Variants in MBOAT1 observed in about 807,000 individuals in gnomAD.
The protein encoded by MBOAT1 is membrane bound glycerophospholipid O-acyltransferase 1.
In MBOAT1, 67 loss-of-function variants were observed where a neutral mutation model predicts 64.4. The ratio of observed to expected loss-of-function variants is 1.04; its 90% CI spans 0.85 to 1.27. The LOEUF (loss-of-function observed/expected upper bound fraction) is 1.27. MBOAT1 is among the 50% of genes most tolerant of loss of function. The pLI is 0.00. For missense variants in MBOAT1, 563 were observed against 604.6 expected, an observed-to-expected ratio of 0.93 and a Z score of 0.72; for synonymous variants, 229 against 218.9, an observed-to-expected ratio of 1.05 and a Z score of -0.41.
At chr6:20,168,645 G>GAGAA (rs1561773422) in intron 1 of MBOAT1, among the ~76,000 whole-genome samples, 6 of 89,100 alleles carry the variant, frequency 6.7e-5, no homozygotes, top group African/African-American at 1.7e-4. Context: ...AGAGAAGAGA[G>GAGAA]GAGAGGAGAG....
chr6:20,136,411 A>G (rs1760992524), intron 4 of MBOAT1, among the ~76,000 whole-genome samples: 1 of 152,274 alleles, frequency 6.6e-6, no homozygotes, highest in African/African-American at 2.4e-5. Flanking sequence ...TGCAGAATTA[A>G]ATTCCAAGTG....
chr6:20,209,501 T>C (rs1581473262), intron 1 of MBOAT1, among the ~76,000 whole-genome samples: 2 of 152,304 alleles, frequency 1.3e-5, no homozygotes, highest in East Asian at 3.9e-4. Context: ...GCTTACCAGG[T>C]ATTTCCATTT....
At chr6:20,164,367 C>T (rs962446117) in intron 1 of MBOAT1, among the ~76,000 whole-genome samples, 1 of 152,058 alleles carries the variant, frequency 6.6e-6, no homozygotes, top group South Asian at 2.1e-4. Flanking sequence ...ATAACATCTA[C>T]CCTACCAGAT....
At chr6:20,172,383 C>T (rs1762221309) in intron 1 of MBOAT1, among the ~76,000 whole-genome samples, 1 of 152,100 alleles carries the variant, frequency 6.6e-6, no homozygotes, top group African/African-American at 2.4e-5. Flanking sequence ...GAGCCATGAT[C>T]GCACCACCTC....
In MBOAT1 at chr6:20,100,425, T is replaced by A. The variant is rs2113616216; in HGVS notation, c.*1861A>T. On this transcript the variant is annotated 3_prime_UTR_variant, in exon 13 of 13. Coordinates refer to ENST00000324607, the MANE Select transcript of MBOAT1 (RefSeq NM_001080480.3). The stretch of plus-strand genomic sequence containing the variant: ...CCTACCCACTATCTAAGATTCTTCC[T>A]GGGACAGCGAAGTAGGGTTGCCCCA... 6.6e-6 allele frequency among the ~76,000 whole-genome samples: 1 copy of A among 152,288 alleles called. No individual in the cohort carries two copies. Among genetic ancestry groups the A allele is most frequent in the Non-Finnish European group, 1.5e-5 (1 of 68,010 alleles).
At chr6:20,195,285 C>A (rs1468495171) in intron 1 of MBOAT1, among the ~76,000 whole-genome samples, 1 of 152,156 alleles carries the variant, frequency 6.6e-6, no homozygotes, top group Non-Finnish European at 1.5e-5. Context: ...CTTCCATAAT[C>A]GAATGCTTTT....
At chr6:20,191,294 T>G (rs536612307) in intron 1 of MBOAT1, among the ~76,000 whole-genome samples, 228 of 152,338 alleles carry the variant, frequency 1.5e-3, no homozygotes, top group Admixed American at 2.5e-3. Context: ...GCTCTTGAAC[T>G]TCCCAGCCTC....
At chr6:20,135,889 G>A (rs114668421) in intron 4 of MBOAT1, among the ~76,000 whole-genome samples, 203 of 152,292 alleles carry the variant, frequency 1.3e-3, no homozygotes, top group African/African-American at 4.4e-3. Context: ...AACCTAGACC[G>A]CTACTGCCAT....
At chr6:20,211,105 G>A (rs1385609049) in intron 1 of MBOAT1, among the ~76,000 whole-genome samples, 1 of 152,192 alleles carries the variant, frequency 6.6e-6, no homozygotes, top group Non-Finnish European at 1.5e-5. Flanking sequence ...GGTCCTCAGA[G>A]TGAGCCAGGT....
At chr6:20,170,140 T>A (rs1353151422) in intron 1 of MBOAT1, among the ~76,000 whole-genome samples, 1 of 152,198 alleles carries the variant, frequency 6.6e-6, no homozygotes, top group African/African-American at 2.4e-5. Context: ...CCTGCAATGA[T>A]GATGCCCTTC....
intron 1 of MBOAT1, among the ~76,000 whole-genome samples, chr6:20,201,094 G>A (rs1366050774): frequency 3.3e-5 from 5 of 152,202 alleles, no homozygotes; most frequent in African/African-American, 1.2e-4. Context: ...TGTCCCATAT[G>A]TAAGTCCTAA....
intron 1 of MBOAT1, among the ~76,000 whole-genome samples, chr6:20,209,419 T>C (rs1397492164): frequency 6.6e-6 from 1 of 152,128 alleles, no homozygotes; most frequent in Admixed American, 6.5e-5. Flanking sequence ...GCCACGAAGT[T>C]AACAGAACAG....
At chr6:20,140,860 G>T (rs1761148712) in intron 4 of MBOAT1, among the ~76,000 whole-genome samples, 1 of 152,150 alleles carries the variant, frequency 6.6e-6, no homozygotes, top group African/African-American at 2.4e-5. Flanking sequence ...AACAAGTTTG[G>T]GAATAAACAC....
At chr6:20,207,972 A>T (rs1353258101) in intron 1 of MBOAT1, among the ~76,000 whole-genome samples, 1 of 152,164 alleles carries the variant, frequency 6.6e-6, no homozygotes, top group Non-Finnish European at 1.5e-5. Flanking sequence ...TATTTCTACC[A>T]TATGGCCAGG....
chr6:20,208,150 A>G (rs1456419355), intron 1 of MBOAT1, among the ~76,000 whole-genome samples: 2 of 152,134 alleles, frequency 1.3e-5, no homozygotes, highest in East Asian at 3.9e-4. Context: ...CAGGTAGGTA[A>G]AGAAACTTTG....
At chr6:20,191,681 G>A (rs1762806142) in intron 1 of MBOAT1, among the ~76,000 whole-genome samples, 1 of 152,160 alleles carries the variant, frequency 6.6e-6, no homozygotes, top group Non-Finnish European at 1.5e-5. Flanking sequence ...TCACCACATT[G>A]GACAAGCCCA....
chr6:20,206,708 C>T (rs1290933165), intron 1 of MBOAT1, among the ~76,000 whole-genome samples: 1 of 152,132 alleles, frequency 6.6e-6, no homozygotes, highest in Admixed American at 6.5e-5. Context: ...TCTTCTCCAC[C>T]GCAACTCCCC....
chr6:20,187,881 A>G (rs1762698581), intron 1 of MBOAT1, among the ~76,000 whole-genome samples: 1 of 152,194 alleles, frequency 6.6e-6, no homozygotes, highest in Admixed American at 6.5e-5. Flanking sequence ...AATCCCAGCT[A>G]CATGGGAGGC....
chr6:20,198,531 A>C (rs1561785949), intron 1 of MBOAT1, among the ~76,000 whole-genome samples: 1 of 152,130 alleles, frequency 6.6e-6, no homozygotes, highest in Non-Finnish European at 1.5e-5. Flanking sequence ...TCACTCTACC[A>C]TCTTGTGACT....
Sources: gnomAD v4.1 joint callset for allele counts (sites outside exome capture counted in the v4.1 genomes callset) on GRCh38, gnomAD v4.1.1 for gene constraint, MANE v1.5 for transcripts, NCBI Gene and HGNC (gene_info 2026-07-23, HGNC 2026-07-21) for gene names.